The following PRKAR1B variants were observed in gnomAD, a reference collection of about 807,000 sequenced individuals.
The protein encoded by PRKAR1B is cAMP-dependent protein kinase type I-beta regulatory subunit.
Under a neutral mutation model 46.5 loss-of-function variants are expected in PRKAR1B, and 22 were observed. That is an observed-to-expected ratio of 0.47 (90% CI 0.34 to 0.68). PRKAR1B has a LOEUF of 0.68. Ranked by LOEUF, PRKAR1B falls within the 30% of genes least tolerant of loss-of-function variation. PRKAR1B has a pLI of 0.01. For synonymous variants in PRKAR1B, 259 were observed against 217.7 expected, an observed-to-expected ratio of 1.19 and a Z score of -1.67; for missense variants, 445 against 535.6, an observed-to-expected ratio of 0.83 and a Z score of 1.67.
At chr7:707,645 G>A (rs570302299) in intron 2 of PRKAR1B, among the ~76,000 whole-genome samples, 1 of 152,272 alleles carries the variant, frequency 6.6e-6, no homozygotes, top group African/African-American at 2.4e-5. Context: ...GAGGTCATTG[G>A]GGTGGCCTTG....
At chr7:574,144 G>C (rs1451554894) in intron 9 of PRKAR1B, among the ~76,000 whole-genome samples, 2 of 152,244 alleles carry the variant, frequency 1.3e-5, no homozygotes, top group Non-Finnish European at 2.9e-5. Context: ...ACGGGTCCTT[G>C]GGCTCAGCTG....
chr7:569,899 G>A (rs1366325855), intron 9 of PRKAR1B, among the ~76,000 whole-genome samples: 1 of 152,220 alleles, frequency 6.6e-6, no homozygotes. Context: ...CTGTCCCCGC[G>A]CAGATGTCCG....
At chr7:706,109 T>A (rs1780309502) in intron 2 of PRKAR1B, among the ~76,000 whole-genome samples, 1 of 152,106 alleles carries the variant, frequency 6.6e-6, no homozygotes, top group Admixed American at 6.6e-5. Flanking sequence ...GAGGACCGCT[T>A]GAGCTCAGGA....
chr7:598,842 G>A (rs1004951807), intron 6 of PRKAR1B, among the ~76,000 whole-genome samples: 1 of 152,234 alleles, frequency 6.6e-6, no homozygotes, highest in Admixed American at 6.5e-5. Context: ...TTCAGGGAAT[G>A]AGGACACCAC....
chr7:699,755 G>A (rs995683524), intron 2 of PRKAR1B, among the ~76,000 whole-genome samples: 1 of 152,216 alleles, frequency 6.6e-6, no homozygotes, highest in Non-Finnish European at 1.5e-5. Context: ...GCCATGGGCT[G>A]CAGTGGAGAG....
chr7:704,752 A>AG (rs1780231324), intron 2 of PRKAR1B, among the ~76,000 whole-genome samples: 1 of 152,102 alleles, frequency 6.6e-6, no homozygotes, highest in African/African-American at 2.4e-5. Flanking sequence ...CTGGTCAACA[A>AG]AGCAAGACTC....
intron 9 of PRKAR1B, chr7:561,869 C>T (rs1462408168): frequency 1.3e-5 from 2 of 152,238 alleles, no homozygotes; most frequent in South Asian, 2.1e-4. Context: ...CTGCGTCCGC[C>T]CCCGCCTGCA....
chr7:592,579 G>T (rs1205738619), intron 7 of PRKAR1B, among the ~76,000 whole-genome samples: 1 of 152,246 alleles, frequency 6.6e-6, no homozygotes, highest in African/African-American at 2.4e-5. Flanking sequence ...GGCGGGGAGG[G>T]TCCAACCTCC....
chr7:701,078 C>T (rs1007202370), intron 2 of PRKAR1B, among the ~76,000 whole-genome samples: 1 of 151,932 alleles, frequency 6.6e-6, no homozygotes, highest in Non-Finnish European at 1.5e-5. Flanking sequence ...ATCCCAGCTA[C>T]TCGGGAGGCT....
intron 9 of PRKAR1B, among the ~76,000 whole-genome samples, chr7:571,066 C>G (rs1311164405): frequency 1.3e-5 from 2 of 152,238 alleles, no homozygotes; most frequent in Non-Finnish European, 2.9e-5. Flanking sequence ...TGGCTTAGGC[C>G]CCTGTGGCTC....
intron 4 of PRKAR1B, among the ~76,000 whole-genome samples, chr7:611,470 T>G (rs767112992): frequency 3.3e-5 from 5 of 152,246 alleles, no homozygotes; most frequent in Non-Finnish European, 7.3e-5. Context: ...CAGTCCTACC[T>G]GGCCTGTGGC....
At chr7:646,353 C>T (rs1382959277) in intron 4 of PRKAR1B, among the ~76,000 whole-genome samples, 2 of 152,200 alleles carry the variant, frequency 1.3e-5, no homozygotes, top group Non-Finnish European at 2.9e-5. Flanking sequence ...CTGAGTGCTA[C>T]GTTTTAAGAG....
At chr7:555,078 C>A (rs1265599788) in intron 9 of PRKAR1B, among the ~76,000 whole-genome samples, 7 of 152,244 alleles carry the variant, frequency 4.6e-5, no homozygotes, top group Non-Finnish European at 8.8e-5. Flanking sequence ...TCCTGCACTT[C>A]TCCCCTCAGC....
rs370244455 is a variant in PRKAR1B, at chr7:627,513, G to A, written c.441-20061C>T. 3.3e-4 allele frequency among the ~76,000 whole-genome samples: 51 copies of A among 152,308 alleles called. No homozygotes were observed. In the East Asian group the frequency reaches 7.9e-3, roughly 24 times the overall value. On this transcript the variant is annotated intron_variant, in intron 4 of 10. Coordinates refer to ENST00000537384, the MANE Select transcript of PRKAR1B (RefSeq NM_001164760.2). ...GAGCCAGGTGCGGACCCAGGCGGTC[G>A]GACAGCCACGGCCAACGCCACCCGG...
At chr7:630,951 T>C (rs1251074902) in intron 4 of PRKAR1B, among the ~76,000 whole-genome samples, 1 of 85,520 alleles carries the variant, frequency 1.2e-5, no homozygotes, top group Non-Finnish European at 2.6e-5. Flanking sequence ...CTGATTCGGA[T>C]TTTTTTTTTT....
At chr7:642,579 G>T (rs1305915548) in intron 4 of PRKAR1B, among the ~76,000 whole-genome samples, 1 of 151,800 alleles carries the variant, frequency 6.6e-6, no homozygotes, top group Non-Finnish European at 1.5e-5. Flanking sequence ...CAAAAAATTA[G>T]CCGGGCGTAG....
intron 4 of PRKAR1B, among the ~76,000 whole-genome samples, chr7:664,010 C>T (rs1018825474): frequency 5.3e-5 from 8 of 152,126 alleles, no homozygotes; most frequent in Non-Finnish European, 8.8e-5. Context: ...CAAGTGGGAA[C>T]AGGGTCACCA....
At chr7:583,437 CAG>C in intron 8 of PRKAR1B, among the ~76,000 whole-genome samples, 1 of 56,076 alleles carries the variant, frequency 1.8e-5, no homozygotes, top group African/African-American at 8.2e-5. Context: ...CACACACCCA[CAG>C]TGCACACTCA....
chr7:703,510 G>T (rs943689079), intron 2 of PRKAR1B, among the ~76,000 whole-genome samples: 1 of 152,044 alleles, frequency 6.6e-6, no homozygotes, highest in Admixed American at 6.6e-5. Context: ...CAAAAAATTA[G>T]CTGGGCGTGG....
Sources: gnomAD v4.1 joint callset for allele counts (sites outside exome capture counted in the v4.1 genomes callset) on GRCh38, gnomAD v4.1.1 for gene constraint, MANE v1.5 for transcripts, NCBI Gene and HGNC (gene_info 2026-07-23, HGNC 2026-07-21) for gene names.